PLXNA2: variants seen among roughly 807,000 people sequenced by gnomAD.
PLXNA2 encodes plexin A2, also known as plexin-A2.
In PLXNA2, 91 loss-of-function variants were observed where a neutral mutation model predicts 193.5. The observed-to-expected ratio is 0.47, with a 90% CI of 0.40 to 0.56. The LOEUF is 0.56. Among genes scored for constraint, PLXNA2 ranks in the 20% least tolerant of loss-of-function variants. PLXNA2 has a pLI of 0.00. For missense variants in PLXNA2, 1,995 were observed against 2,503.2 expected (o/e 0.80, Z 4.33); for synonymous variants, 997 against 1,027.3 (o/e 0.97, Z 0.56).
intron 3 of PLXNA2, among the ~76,000 whole-genome samples, chr1:208,153,365 C>G (rs1668830536): frequency 6.6e-6 from 1 of 152,134 alleles, no homozygotes; most frequent in South Asian, 2.1e-4. Context: ...GCAAAAGAGC[C>G]AGGATCTGAA....
intron 4 of PLXNA2, among the ~76,000 whole-genome samples, chr1:208,112,280 T>C (rs1194687367): frequency 6.6e-6 from 1 of 152,216 alleles, no homozygotes; most frequent in Non-Finnish European, 1.5e-5. Flanking sequence ...CAGTGACTGC[T>C]CCTGAAACCT....
chr1:208,059,888 C>A (rs886651013), intron 13 of PLXNA2, among the ~76,000 whole-genome samples: 2 of 152,124 alleles, frequency 1.3e-5, no homozygotes, highest in East Asian at 1.9e-4. Flanking sequence ...AACAACCTGA[C>A]CTGGCAGAGG....
chr1:208,035,910 A>C (rs1042818852), intron 26 of PLXNA2, among the ~76,000 whole-genome samples: 6 of 152,180 alleles, frequency 3.9e-5, no homozygotes, highest in African/African-American at 1.4e-4. Context: ...CTCCCTATAA[A>C]TCTGCAGAAG....
At chr1:208,067,092 C>T (rs929493895) in intron 12 of PLXNA2, among the ~76,000 whole-genome samples, 1 of 152,090 alleles carries the variant, frequency 6.6e-6, no homozygotes, top group Non-Finnish European at 1.5e-5. Flanking sequence ...TGCCTGTAAT[C>T]CCAGCACTTT....
At chr1:208,143,922 G>A (rs932709264) in intron 3 of PLXNA2, among the ~76,000 whole-genome samples, 2 of 152,144 alleles carry the variant, frequency 1.3e-5, no homozygotes, top group African/African-American at 2.4e-5. Flanking sequence ...ACTAGCATGC[G>A]ACTGGGAACA....
intron 28 of PLXNA2, among the ~76,000 whole-genome samples, chr1:208,032,731 G>A (rs952301938): frequency 1.8e-4 from 28 of 152,204 alleles, no homozygotes; most frequent in African/African-American, 5.3e-4. Context: ...GGGATGGGAA[G>A]AGGAAGCCTC....
chr1:208,144,943 G>A (rs1668561678), intron 3 of PLXNA2, among the ~76,000 whole-genome samples: 1 of 152,104 alleles, frequency 6.6e-6, no homozygotes, highest in Non-Finnish European at 1.5e-5. Context: ...TTCTGATGAT[G>A]AGATTCAAGC....
At chr1:208,170,636 G>A (rs932357841) in intron 3 of PLXNA2, among the ~76,000 whole-genome samples, 2 of 152,194 alleles carry the variant, frequency 1.3e-5, no homozygotes, top group Admixed American at 1.3e-4. Flanking sequence ...AAGCCCAATA[G>A]GTTTCATGGT....
rs1380925011 is a variant in PLXNA2, at chr1:208,042,004, C to G, written c.4286+94G>C. The G allele has an allele frequency of 6.0e-6, 8 of 1,335,912 alleles. No homozygotes were observed. In the East Asian group the frequency reaches 1.2e-4, roughly 19 times the overall value. 82.8% of individuals were successfully genotyped at this position (1,335,912 alleles called of 1,614,324 possible). A position where few individuals can be genotyped will look rare whatever the true frequency, so the allele number is the denominator to read the frequency against. ...ATGGGTGCCCCTTCTGGGGAGTGGG[C>G]CTTCTCATGCTGCTTGTGGGGCCTG... On this transcript the variant is annotated intron_variant, in intron 22 of 31. Transcript: ENST00000367033.
chr1:208,107,819 G>A (rs1187592615), intron 4 of PLXNA2, among the ~76,000 whole-genome samples: 1 of 152,072 alleles, frequency 6.6e-6, no homozygotes, highest in Non-Finnish European at 1.5e-5. Flanking sequence ...GTGGCAATGG[G>A]AATTATACAA....
chr1:208,103,103 G>A (rs751037446), intron 5 of PLXNA2, 44 bp downstream of exon 5: 11 of 1,366,998 alleles, frequency 8.0e-6, no homozygotes, highest in Admixed American at 3.4e-5. Context: ...GAAAGCCCCG[G>A]TCTTCTGCAT....
intron 4 of PLXNA2, among the ~76,000 whole-genome samples, chr1:208,133,443 CT>C (rs1441263220): frequency 6.6e-6 from 1 of 152,144 alleles, no homozygotes; most frequent in African/African-American, 2.4e-5. Context: ...CAAGAAGGTA[CT>C]TATCTTCCTG....
intron 13 of PLXNA2, among the ~76,000 whole-genome samples, chr1:208,058,224 C>T (rs187899733): frequency 2.4e-4 from 37 of 152,306 alleles, no homozygotes; most frequent in Admixed American, 2.1e-3. Context: ...CATGTGGAGC[C>T]CCTGTCCCAG....
chr1:208,102,949 C>G (rs1292722689), intron 5 of PLXNA2, among the ~76,000 whole-genome samples, 198 bp downstream of exon 5: 4 of 152,208 alleles, frequency 2.6e-5, no homozygotes, highest in Admixed American at 6.5e-5. Flanking sequence ...AGAAGAGAGG[C>G]AAAGACCCTG....
chr1:208,202,584 G>A (rs549869330), intron 3 of PLXNA2, among the ~76,000 whole-genome samples: 5 of 152,226 alleles, frequency 3.3e-5, no homozygotes, highest in African/African-American at 7.2e-5. Context: ...AGTCCCTTCC[G>A]ACTCAGAGAT....
chr1:208,216,989 C>A lies in PLXNA2; in HGVS notation c.934G>T (p.Ala312Ser), dbSNP rs1431408286. 6 of 1,612,252 alleles carry A rather than the reference C, an allele frequency of 3.7e-6. No homozygotes were observed. In the African/African-American group the frequency reaches 5.3e-5, roughly 14 times the overall value. Residue 312 changes from alanine to serine, a missense_variant, in exon 2 of 32, where the codon GCT becomes TCT. This residue lies in a region of PLXNA2 where 702 missense variants were observed against 812.9 expected (regional missense o/e 0.86). Coordinates refer to ENST00000367033, the MANE Select transcript of PLXNA2 (RefSeq NM_025179.4). ...RAGVEYRLLQAAYLAKPGDSL... is the reference protein window; with the variant it reads ...RAGVEYRLLQSAYLAKPGDSL... ...TCCCCAGGCTTGGCCAGGTAAGCAG[C>A]CTGCAGGAGGCGGTATTCCACCCCG...
intron 3 of PLXNA2, among the ~76,000 whole-genome samples, chr1:208,190,652 G>A (rs897557789): frequency 6.6e-6 from 1 of 152,182 alleles, no homozygotes; most frequent in Non-Finnish European, 1.5e-5. Context: ...GACGCCAATA[G>A]CTCTCTTTGC....
chr1:208,194,699 A>G (rs1458067850), intron 3 of PLXNA2, among the ~76,000 whole-genome samples: 1 of 152,116 alleles, frequency 6.6e-6, no homozygotes, highest in Non-Finnish European at 1.5e-5. Flanking sequence ...CCCGCCATGC[A>G]CTAATTATTC....
intron 3 of PLXNA2, among the ~76,000 whole-genome samples, chr1:208,183,014 C>T (rs879535386): frequency 3.9e-5 from 6 of 152,168 alleles, no homozygotes; most frequent in Admixed American, 6.5e-5. Context: ...TTACCCACAG[C>T]GACTGGGGGA....
Sources: gnomAD v4.1 joint callset for allele counts (sites outside exome capture counted in the v4.1 genomes callset) on GRCh38, gnomAD v4.1.1 for gene constraint, gnomAD v4.1.1 regional missense constraint, MANE v1.5 for transcripts, NCBI Gene and HGNC (gene_info 2026-07-23, HGNC 2026-07-21) for gene names.